Variants in USH2A observed in about 807,000 individuals in gnomAD.
USH2A encodes Usher syndrome 2A (autosomal recessive, mild).
USH2A carries 443 observed loss-of-function variants against 538.9 expected under a neutral mutation model. The ratio of observed to expected loss-of-function variants is 0.82; its 90% CI spans 0.76 to 0.89. USH2A has a LOEUF of 0.89. Ranked by LOEUF, USH2A falls within the 40% of genes least tolerant of loss-of-function variation. USH2A has a pLI of 0.00. For missense variants in USH2A, 6,633 were observed against 6,324.8 expected (o/e 1.05, Z -1.65); for synonymous variants, 2,413 against 2,273.5 (o/e 1.06, Z -1.75).
At position 216,103,039 on chromosome 1, in the gene USH2A, A is replaced by C. The variant is rs146884069; in HGVS notation, c.4628-5826T>G. Among the ~76,000 whole-genome samples, 784 of 152,336 alleles carry C rather than the reference A, an allele frequency of 5.1e-3. 4 individuals carry two copies. The highest frequency in any genetic ancestry group is 6.6e-3 in the Non-Finnish European group (448 of 68,028). On this transcript the variant is annotated intron_variant, in intron 21 of 71. Coordinates refer to ENST00000307340, the MANE Select transcript of USH2A (RefSeq NM_206933.4). The stretch of plus-strand genomic sequence containing the variant: ...AACAACTATATACATGAATCTCACA[A>C]ACATGGATTGTGTAAGAGATACTAA...
rs535540579 is a variant in USH2A at position 215,948,293 on chromosome 1, T to G, written c.7121-13498A>C. Among the ~76,000 whole-genome samples the G allele has an allele frequency of 2.6e-5, 4 of 151,678 alleles. No homozygotes were observed. The South Asian group carries it at 8.3e-4, about 32-fold the overall frequency. On this transcript the variant is annotated intron_variant, in intron 37 of 71. Coordinates refer to ENST00000307340, the MANE Select transcript of USH2A (RefSeq NM_206933.4). ...CTTCTTTGTCTAACTACAAAAGAAT[T>G]TTTTTTTATTATAAATGTTAAGGCT...
At chr1:216,196,793 C>A in intron 18 of USH2A, 71 bp from the exon 19 acceptor site, 1 of 1,498,072 alleles carries the variant, frequency 6.7e-7, no homozygotes, top group South Asian at 1.2e-5. Flanking sequence ...AAATTTAATT[C>A]ACACATTCAT....
intron 46 of USH2A, among the ~76,000 whole-genome samples, chr1:215,841,926 C>T (rs1223171184): frequency 6.6e-6 from 1 of 151,916 alleles, no homozygotes; most frequent in African/African-American, 2.4e-5. Flanking sequence ...ATGCGGCCAA[C>T]AAACATATAA....
intron 15 of USH2A, 150 bp from the exon 16 acceptor site, chr1:216,207,581 G>A (rs1034312594): frequency 4.1e-5 from 42 of 1,014,732 alleles, no homozygotes; most frequent in Non-Finnish European, 4.9e-5. Flanking sequence ...ATAAACAAAG[G>A]GTTCATGAGT....
intron 32 of USH2A, among the ~76,000 whole-genome samples, chr1:216,038,401 T>C (rs925679245): frequency 2.6e-5 from 4 of 152,084 alleles, no homozygotes; most frequent in Non-Finnish European, 5.9e-5. Context: ...AGGAATGTTA[T>C]AACAAGTTAG....
intron 9 of USH2A, 77 bp downstream of exon 9, chr1:216,321,806 A>C: frequency 1.5e-6 from 2 of 1,297,756 alleles, no homozygotes; most frequent in Non-Finnish European, 2.2e-6. Context: ...TGTTAGGCCA[A>C]GATTAAGTTC....
intron 32 of USH2A, among the ~76,000 whole-genome samples, chr1:216,009,201 C>G (rs373591575): frequency 6.6e-6 from 1 of 152,022 alleles, no homozygotes; most frequent in African/African-American, 2.4e-5. Context: ...AACCCCTGAA[C>G]CCCTTCCCTC....
At chr1:215,858,050 C>A (rs1322881298) in intron 44 of USH2A, among the ~76,000 whole-genome samples, 1 of 152,080 alleles carries the variant, frequency 6.6e-6, no homozygotes, top group African/African-American at 2.4e-5. Flanking sequence ...TTAAAAACTA[C>A]AATGTGAATG....
chr1:215,924,557 A>G (rs1291087817), intron 38 of USH2A, among the ~76,000 whole-genome samples: 1 of 152,154 alleles, frequency 6.6e-6, no homozygotes, highest in African/African-American at 2.4e-5. Flanking sequence ...TAAAAATTCA[A>G]ATAAAACTTC....
intron 62 of USH2A, among the ~76,000 whole-genome samples, chr1:215,677,003 C>G (rs1286697173): frequency 6.6e-6 from 1 of 152,138 alleles, no homozygotes; most frequent in East Asian, 1.9e-4. Context: ...GTCATTTTCC[C>G]AGGTGATTAT....
At chr1:216,254,535 A>T (rs564129599) in intron 11 of USH2A, among the ~76,000 whole-genome samples, 1 of 152,296 alleles carries the variant, frequency 6.6e-6, no homozygotes, top group East Asian at 1.9e-4. Flanking sequence ...ATTCAAACAG[A>T]CAATTTAAAA....
At chr1:216,094,027 T>C (rs1467857715) in intron 22 of USH2A, among the ~76,000 whole-genome samples, 1 of 152,174 alleles carries the variant, frequency 6.6e-6, no homozygotes, top group East Asian at 1.9e-4. Flanking sequence ...TTTGTATACT[T>C]TAAAGCTCTA....
intron 41 of USH2A, among the ~76,000 whole-genome samples, chr1:215,887,397 GGTTTT>G (rs969782129): frequency 1.0e-3 from 153 of 151,842 alleles, no homozygotes; most frequent in African/African-American, 3.7e-3. Context: ...TTTTGTTTTT[GGTTTT>G]GTTTTTATTT....
intron 68 of USH2A, 21 bp from the exon 69 acceptor site, chr1:215,639,259 G>A: frequency 1.2e-6 from 2 of 1,612,940 alleles, no homozygotes; most frequent in Non-Finnish European, 1.7e-6. Flanking sequence ...GGAAGAACTG[G>A]TAAATGACTT....
At chr1:216,094,123 G>C (rs914567312) in intron 22 of USH2A, among the ~76,000 whole-genome samples, 1 of 152,120 alleles carries the variant, frequency 6.6e-6, no homozygotes, top group East Asian at 1.9e-4. Context: ...AGGGGAAAAA[G>C]CAGAGCCAGA....
intron 64 of USH2A, among the ~76,000 whole-genome samples, chr1:215,661,763 C>T (rs542187122): frequency 6.6e-6 from 1 of 152,160 alleles, no homozygotes; most frequent in East Asian, 1.9e-4. Context: ...AGTCAAGTAC[C>T]TCTTTAATAT....
intron 21 of USH2A, among the ~76,000 whole-genome samples, chr1:216,163,779 CCTGT>C (rs887042471): frequency 2.0e-4 from 30 of 151,418 alleles, no homozygotes; most frequent in African/African-American, 7.3e-4. Context: ...TAATTTTTTG[CCTGT>C]CTTTTTTTTT....
chr1:215,933,179 A>T (rs1035155304), intron 38 of USH2A, among the ~76,000 whole-genome samples: 4 of 151,910 alleles, frequency 2.6e-5, no homozygotes, highest in Non-Finnish European at 5.9e-5. Context: ...TATGGCACTG[A>T]TTACTCTTTA....
At chr1:216,245,470 TGAGAGAGAGAGAGAGAGAGAGAGA>T (rs10535828) in intron 13 of USH2A, among the ~76,000 whole-genome samples, 23 of 114,176 alleles carry the variant, frequency 2.0e-4, no homozygotes, top group African/African-American at 6.9e-4. Flanking sequence ...AGTCCCCTTC[TGAGAGAGAGAGAGAGAGAGAGAGA>T]GAGAGAGAGA....
Sources: gnomAD v4.1 joint callset for allele counts (sites outside exome capture counted in the v4.1 genomes callset) on GRCh38, gnomAD v4.1.1 for gene constraint, MANE v1.5 for transcripts, NCBI Gene and HGNC (gene_info 2026-07-23, HGNC 2026-07-21) for gene names.